LIN7A: variants seen among roughly 807,000 people sequenced by gnomAD.
LIN7A encodes the protein lin-7 cell polarity scaffold A, also known as protein lin-7 homolog A.
LIN7A carries 25 observed loss-of-function variants against 29.8 expected under a neutral mutation model. The ratio of observed to expected loss-of-function variants is 0.84; its 90% CI spans 0.61 to 1.17. The LOEUF (loss-of-function observed/expected upper bound fraction) is 1.17, where lower values mean the gene tolerates loss of function less well. Among genes scored for constraint, LIN7A ranks in the 50% most tolerant of loss-of-function variants. The pLI is 0.00. For missense variants in LIN7A, 239 were observed against 287.0 expected (o/e 0.83, Z 1.21); for synonymous variants, 118 against 107.5 (o/e 1.10, Z -0.60).
intron 4 of LIN7A, among the ~76,000 whole-genome samples, chr12:80,823,122 T>G (rs1871893808): frequency 1.3e-5 from 2 of 152,170 alleles, no homozygotes; most frequent in South Asian, 4.1e-4. Flanking sequence ...ACCTCTTCGC[T>G]TTGCTCACTC....
chr12:80,872,951 G>A (rs1159382376), intron 2 of LIN7A, among the ~76,000 whole-genome samples: 1 of 152,198 alleles, frequency 6.6e-6, no homozygotes, highest in Non-Finnish European at 1.5e-5. Context: ...CTGTAAGGTA[G>A]AATTCTTTAA....
At chr12:80,873,260 T>A (rs1874510607) in intron 2 of LIN7A, among the ~76,000 whole-genome samples, 1 of 152,194 alleles carries the variant, frequency 6.6e-6, no homozygotes, top group African/African-American at 2.4e-5. Context: ...TCAAGCACAG[T>A]GGCTCACACC....
intron 4 of LIN7A, among the ~76,000 whole-genome samples, chr12:80,840,844 T>C (rs904872442): frequency 6.6e-6 from 1 of 152,224 alleles, no homozygotes; most frequent in Non-Finnish European, 1.5e-5. Context: ...CTGTACATGG[T>C]ACTCATATTT....
intron 2 of LIN7A, among the ~76,000 whole-genome samples, chr12:80,850,124 T>C (rs906990853): frequency 3.3e-5 from 5 of 152,098 alleles, no homozygotes; most frequent in Non-Finnish European, 5.9e-5. Context: ...AGACCCCAAA[T>C]TGATTTTGAA....
chr12:80,863,722 AT>A (rs1873991071), intron 2 of LIN7A, among the ~76,000 whole-genome samples: 5 of 152,094 alleles, frequency 3.3e-5, no homozygotes, highest in Admixed American at 1.3e-4. Flanking sequence ...ACTTTAAAGC[AT>A]TTTTTTAAGG....
chr12:80,838,235 T>A (rs7313088), intron 4 of LIN7A, among the ~76,000 whole-genome samples: 1 of 151,882 alleles, frequency 6.6e-6, no homozygotes, highest in Admixed American at 6.6e-5. Context: ...GCACAATCTC[T>A]TGTATGCTCA....
At chr12:80,871,653 T>C (rs1015995060) in intron 2 of LIN7A, among the ~76,000 whole-genome samples, 70 of 151,988 alleles carry the variant, frequency 4.6e-4, no homozygotes, top group Non-Finnish European at 9.7e-4. Context: ...ATATTTGGCA[T>C]TGAATAAACA....
At chr12:80,832,595 C>T (rs1367754969) in intron 4 of LIN7A, 1 of 467,926 alleles carries the variant, frequency 2.1e-6, no homozygotes, top group Non-Finnish European at 4.4e-6. Context: ...AGGAAATGGC[C>T]ACCTTCAAAT....
chr12:80,816,030 G>A (rs757765190), intron 4 of LIN7A, among the ~76,000 whole-genome samples: 6 of 152,132 alleles, frequency 3.9e-5, no homozygotes, highest in Non-Finnish European at 7.4e-5. Flanking sequence ...GAATTAAAAT[G>A]CACTATGAAG....
chr12:80,929,685 T>C (rs1267286409), intron 1 of LIN7A, among the ~76,000 whole-genome samples: 1 of 152,148 alleles, frequency 6.6e-6, no homozygotes, highest in Non-Finnish European at 1.5e-5. Context: ...CACTTTCTTT[T>C]CTAAGTGCCA....
intron 5 of LIN7A, among the ~76,000 whole-genome samples, chr12:80,807,607 A>G (rs1358294018): frequency 6.6e-6 from 1 of 152,218 alleles, no homozygotes; most frequent in Non-Finnish European, 1.5e-5. Context: ...ATAAGTCTAT[A>G]TTATCAAGGA....
chr12:80,855,483 T>A (rs1311923653), intron 2 of LIN7A, among the ~76,000 whole-genome samples: 5 of 152,162 alleles, frequency 3.3e-5, no homozygotes, highest in Admixed American at 6.5e-5. Context: ...TAAAATATTT[T>A]AAAATCTTCA....
chr12:80,937,561 G>T, intron 1 of LIN7A, 80 bp downstream of exon 1: 1 of 1,067,152 alleles, frequency 9.4e-7, no homozygotes, highest in Non-Finnish European at 1.3e-6. Context: ...CGCGTCCCAT[G>T]TCCCGTTGGG....
intron 4 of LIN7A, among the ~76,000 whole-genome samples, chr12:80,827,247 C>T (rs1442698701): frequency 6.6e-6 from 1 of 151,858 alleles, no homozygotes; most frequent in South Asian, 2.1e-4. Context: ...ATTAGCTGGG[C>T]GTGGTGGTGG....
At position 80,905,306 on chromosome 12, in the gene LIN7A, C is replaced by T. The variant is rs1876421630; in HGVS notation, c.83-15937G>A. 1.3e-5 allele frequency among the ~76,000 whole-genome samples: 2 copies of T among 152,130 alleles called. 1 individual carries two copies. The highest frequency in any genetic ancestry group is 4.1e-4 in the South Asian group (2 of 4,834). ...CCACGTTCAAGCAATTCTCCTGTCTCAGCCTCCCAATGGATATGGTTTTAA... is the reference window on the plus strand; with the variant it reads ...CCACGTTCAAGCAATTCTCCTGTCTTAGCCTCCCAATGGATATGGTTTTAA... On this transcript the variant is annotated intron_variant, in intron 1 of 5. Coordinates refer to ENST00000552864, the MANE Select transcript of LIN7A (RefSeq NM_004664.4).
intron 1 of LIN7A, among the ~76,000 whole-genome samples, chr12:80,902,686 G>A (rs1876286182): frequency 6.6e-6 from 1 of 152,112 alleles, no homozygotes; most frequent in South Asian, 2.1e-4. Flanking sequence ...GTATAGAAAG[G>A]CTACTGGTTT....
chr12:80,916,993 C>G (rs755697424), intron 1 of LIN7A, among the ~76,000 whole-genome samples: 2 of 151,970 alleles, frequency 1.3e-5, no homozygotes, highest in Non-Finnish European at 2.9e-5. Context: ...GGCATATGGT[C>G]AGTTAATAAA....
chr12:80,897,415 T>A (rs1875964397), intron 1 of LIN7A, among the ~76,000 whole-genome samples: 1 of 152,220 alleles, frequency 6.6e-6, no homozygotes, highest in Non-Finnish European at 1.5e-5. Flanking sequence ...TGAAGGAAGT[T>A]GAACAATCTA....
At chr12:80,888,649 C>A (rs777110119) in intron 2 of LIN7A, among the ~76,000 whole-genome samples, 10 of 151,754 alleles carry the variant, frequency 6.6e-5, no homozygotes, top group Non-Finnish European at 1.3e-4. Flanking sequence ...CAAGTGGCTT[C>A]TTTTGTAACC....
Sources: allele counts gnomAD v4.1 joint callset (sites outside exome capture counted in the v4.1 genomes callset), GRCh38; gene constraint gnomAD v4.1.1; transcripts MANE v1.5; gene names NCBI Gene and HGNC (gene_info 2026-07-23, HGNC 2026-07-21).